Variants in UBR4 observed in about 807,000 individuals in gnomAD.
UBR4 encodes E3 ubiquitin-protein ligase UBR4.
A neutral mutation model predicts 575.6 loss-of-function variants in UBR4; 124 were observed. The observed-to-expected ratio is 0.22, with a 90% CI of 0.19 to 0.25. The LOEUF (loss-of-function observed/expected upper bound fraction) is 0.25, where lower values mean the gene tolerates loss of function less well. Ranked by LOEUF, UBR4 falls within the 10% of genes least tolerant of loss-of-function variation. The pLI is 1.00. For synonymous variants in UBR4, 2,455 were observed against 2,473.7 expected (o/e 0.99, Z 0.22); for missense variants, 4,818 against 6,478.8 (o/e 0.74, Z 8.80).
Position 19,155,557 on chromosome 1 carries a change from CAAT to C in UBR4, c.6181_6183del (p.Ile2061del). 1 of 1,614,148 alleles carries C rather than the reference CAAT, an allele frequency of 6.2e-7. No homozygotes were observed. Among genetic ancestry groups the C allele is most frequent in the Non-Finnish European group, 8.5e-7 (1 of 1,179,998 alleles). ...ATGTACCCAGCCGAAGACATTATAA[CAAT>C]GATGTTCTTTCCCTCCTCATTGAAA... On this transcript the variant is annotated inframe_deletion, in exon 43 of 106. Coordinates refer to ENST00000375254, the MANE Select transcript of UBR4 (RefSeq NM_020765.3).
In UBR4 at chr1:19,110,257, A is replaced by C. The variant is rs780386913; in HGVS notation, c.11978-34T>G. 1 of 1,614,170 alleles carries C rather than the reference A, an allele frequency of 6.2e-7. No individual in the cohort carries two copies. The highest frequency in any genetic ancestry group is 8.5e-7 in the Non-Finnish European group (1 of 1,180,016). On this transcript the variant is annotated intron_variant, in intron 80 of 105. Transcript: ENST00000375254. The surrounding 1 kb of genome is among the most constrained non-coding windows in gnomAD (Gnocchi z 4.5). ...GGTCAGGAAAGGCAGAGTCACAATC[A>C]GGAACACTACACATCTGCTCTGCAG...
intron 20 of UBR4, 72 bp from the exon 21 acceptor site, chr1:19,175,105 C>A: frequency 7.3e-7 from 1 of 1,368,984 alleles, no homozygotes. Context: ...CAATGTAAAA[C>A]TCAGAAAATA....
chr1:19,206,482 G>A (rs779725094), intron 1 of UBR4, among the ~76,000 whole-genome samples: 5 of 152,028 alleles, frequency 3.3e-5, no homozygotes, highest in African/African-American at 2.4e-5. Context: ...TTACAGGCGC[G>A]CGCCACCACG....
At chr1:19,119,733 C>G (rs752198961) in intron 69 of UBR4, 32 bp from the exon 70 acceptor site, 1 of 1,585,540 alleles carries the variant, frequency 6.3e-7, no homozygotes, top group Non-Finnish European at 8.6e-7. Context: ...TGTTACCAAG[C>G]AGCAGAAAAC....
chr1:19,160,257 C>T lies in UBR4; in HGVS notation c.5431G>A (p.Val1811Met), dbSNP rs1164690665. 20 of 1,607,932 alleles carry T rather than the reference C, an allele frequency of 1.2e-5. No individual in the cohort carries two copies. The highest frequency in any genetic ancestry group is 2.7e-5 in the African/African-American group (2 of 72,946). ...ATAAGGAAATTAAGCATGTCTAACA[C>T]GAGAGGAGCGAAGGAGAAATTGGCC... ...NQANFSFAPL[V>M]LDMLNFLMDA... The change falls in exon 39 of 106, where the codon GTG (valine) becomes ATG (methionine). Residue 1811 changes from valine to methionine, a missense_variant. This residue lies in a region of UBR4 where 159 missense variants were observed against 174.6 expected (regional missense o/e 0.91). Transcript: ENST00000375254.
intron 60 of UBR4, 122 bp from the exon 61 acceptor site, chr1:19,129,196 C>G: frequency 1.4e-6 from 1 of 718,716 alleles, no homozygotes; most frequent in South Asian, 1.9e-5. Context: ...TGCTTAGGAA[C>G]AATCTCCAGC....
Position 19,117,685 on chromosome 1 carries a change from T to C in UBR4, c.10629+138A>G. 1.1e-6 allele frequency: 1 copy of C among 919,726 alleles called. No individual in the cohort carries two copies. The highest frequency in any genetic ancestry group is 1.7e-6 in the Non-Finnish European group (1 of 588,638). 57.0% of individuals were successfully genotyped at this position (919,726 alleles called of 1,614,324 possible). ...CCAAGTTTCTATTTAAGGTAATAAA[T>C]GTGGCAGATAAAAATTCCTACTATC... is the stretch of plus-strand genomic sequence containing the variant. On this transcript the variant is annotated intron_variant, in intron 72 of 105. Coordinates refer to ENST00000375254, the MANE Select transcript of UBR4 (RefSeq NM_020765.3). The surrounding 1 kb of genome is among the most constrained non-coding windows in gnomAD (Gnocchi z 4.0).
intron 39 of UBR4, among the ~76,000 whole-genome samples, chr1:19,158,869 C>T (rs1301757881): frequency 6.6e-6 from 1 of 152,104 alleles, no homozygotes; most frequent in Non-Finnish European, 1.5e-5. Context: ...TGGCTGGGCA[C>T]AGTGGCTCAC....
At chr1:19,109,667 C>A (rs2079620197) in intron 81 of UBR4, among the ~76,000 whole-genome samples, 1 of 152,252 alleles carries the variant, frequency 6.6e-6, no homozygotes, top group African/African-American at 2.4e-5. Flanking sequence ...GATGGGGAAA[C>A]TAAGGAACAA....
rs2088643649 is a variant in UBR4 at position 19,167,182 on chromosome 1, G to A, written c.3949C>T (p.Leu1317Phe). ...PPQVIRTLLP[L>F]LLESSTESVA... ...CTCTCAGTGCTTGATTCCAAAAGAAGAGGTAGCAGTGTCCGAATTACCTGT... is the reference window on the plus strand; with the variant it reads ...CTCTCAGTGCTTGATTCCAAAAGAAAAGGTAGCAGTGTCCGAATTACCTGT... The change falls in exon 29 of 106, where the codon CTT (leucine) becomes TTT (phenylalanine). Residue 1317 changes from leucine (L) to phenylalanine (F), a missense_variant. Leu to Phe is a conservative substitution (Grantham distance 22). Around this residue, in one of 29 missense-constraint regions of UBR4, gnomAD observed 1,172 missense variants for 1,259.7 expected, o/e 0.93. Coordinates refer to ENST00000375254, the MANE Select transcript of UBR4 (RefSeq NM_020765.3). The A allele has an allele frequency of 6.2e-7, 1 of 1,614,214 alleles. No individual in the cohort carries two copies. The highest frequency in any genetic ancestry group is 8.5e-7 in the Non-Finnish European group (1 of 1,180,038).
chr1:19,149,764 G>A (rs769129855), intron 49 of UBR4: 183 of 1,301,776 alleles, frequency 1.4e-4, no homozygotes, highest in African/African-American at 2.4e-4. Flanking sequence ...CATACTAACC[G>A]GTCCAGCTTG....
intron 27 of UBR4, 32 bp downstream of exon 27, chr1:19,169,403 G>A (rs1292156409): frequency 1.3e-6 from 2 of 1,583,878 alleles, no homozygotes; most frequent in Non-Finnish European, 1.7e-6. Flanking sequence ...CTAGCACTCA[G>A]TATTTCTACC....
chr1:19,151,066 G>C (rs2085623012), intron 48 of UBR4: 2 of 506,692 alleles, frequency 3.9e-6, no homozygotes, highest in Non-Finnish European at 7.1e-6. Flanking sequence ...TCAGAGTATT[G>C]TATCCCCTAC....
At position 19,095,598 on chromosome 1, in the gene UBR4, G is replaced by A. The variant is rs1434481166; in HGVS notation, c.13573C>T (p.Leu4525=). Residue 4525 remains leucine, a synonymous_variant, in exon 93 of 106, where the codon CTG becomes TTG. Transcript: ENST00000375254. ...AAGGTGTTCATTTCCAGTTTGACCA[G>A]TTGCTGCCGGTTGACTTTCACCTTC... ...CVKVKVNRQQ[L]VKLEMNTLNV... The A allele has an allele frequency of 2.5e-6, 4 of 1,614,150 alleles. No individual in the cohort carries two copies. In the South Asian group the frequency reaches 3.3e-5, roughly 13 times the overall value.
chr1:19,096,639 C>T lies in UBR4; in HGVS notation c.13402G>A (p.Asp4468Asn), dbSNP rs763839713. 22 of 1,613,596 alleles carry T rather than the reference C, an allele frequency of 1.4e-5. No individual in the cohort carries two copies. The highest frequency in any genetic ancestry group is 1.9e-5 in the Non-Finnish European group (22 of 1,179,820). Residue 4468 changes from aspartate to asparagine, a missense_variant, in exon 92 of 106, where the codon GAT becomes AAT. This residue lies in a region of UBR4 where 165 missense variants were observed against 282.3 expected (regional missense o/e 0.58). Transcript: ENST00000375254. The part of the protein sequence containing the change: ...SLDSTTDEEE[D>N]EEEVYKMAGV... Reference sequence around the variant, plus strand: ...GCCATTTTATACACTTCTTCTTCATCTTCTTCTTCATCTAGGGGAGAAGGG... The same window carrying T: ...GCCATTTTATACACTTCTTCTTCATTTTCTTCTTCATCTAGGGGAGAAGGG...
In UBR4 at chr1:19,152,175, G is replaced by A; in HGVS notation, c.6996+138C>T. The A allele has an allele frequency of 7.7e-7, 1 of 1,292,944 alleles. No homozygotes were observed. Among genetic ancestry groups the A allele is most frequent in the South Asian group, 1.4e-5 (1 of 69,804 alleles). The allele number at this position is 1,292,944 out of a possible 1,614,324, so 80.1% of individuals were successfully genotyped here. Reference sequence around the variant, plus strand: ...GAGTAAGAATATCCATTTTTCTAAGGAACCATTTAACTAGAACCGAGGGTT... The same window carrying A: ...GAGTAAGAATATCCATTTTTCTAAGAAACCATTTAACTAGAACCGAGGGTT... On this transcript the variant is annotated intron_variant, in intron 47 of 105. Coordinates refer to ENST00000375254, the MANE Select transcript of UBR4 (RefSeq NM_020765.3). This position sits in a 1 kb window ranked among gnomAD's most constrained non-coding sequence, Gnocchi z 4.4.
chr1:19,209,845 C>T (rs1371019605), intron 1 of UBR4, among the ~76,000 whole-genome samples: 4 of 152,214 alleles, frequency 2.6e-5, no homozygotes, highest in African/African-American at 9.6e-5. Flanking sequence ...CGCAGGGAGG[C>T]CGCTAAAGTT....
rs752803245 is a variant in UBR4 at position 19,139,085 on chromosome 1, C to T, written c.8729G>A (p.Ser2910Asn). 5.0e-6 allele frequency: 8 copies of T among 1,611,594 alleles called. No individual in the cohort carries two copies. The highest frequency in any genetic ancestry group is 6.8e-6 in the Non-Finnish European group (8 of 1,178,700). Reference sequence around the variant, plus strand: ...GGACCCCCGCCATGGCACATTACCACTGTGCTCGCCAGCCACTGAGTCCAC... The same window carrying T: ...GGACCCCCGCCATGGCACATTACCATTGTGCTCGCCAGCCACTGAGTCCAC... Reference protein sequence around the residue: ...SAVDSVAGEHSVSGRSSAYGD... With the variant: ...SAVDSVAGEHNVSGRSSAYGD... The change falls in exon 59 of 106, where the codon AGT (serine) becomes AAT (asparagine). Residue 2910 changes from serine to asparagine, a missense_variant and splice_region_variant. Physicochemically the swap from Ser to Asn is conservative, Grantham distance 46. Around this residue, in one of 29 missense-constraint regions of UBR4, gnomAD observed 57 missense variants for 101.5 expected, o/e 0.56. Transcript: ENST00000375254. The surrounding 1 kb of genome is among the most constrained non-coding windows in gnomAD (Gnocchi z 4.2).
chr1:19,163,901 T>C lies in UBR4; in HGVS notation c.4701-74A>G, dbSNP rs962417293. Reference sequence around the variant, plus strand: ...AAGAAACCAACGAAATGAGGCATCTTCATTAACTTTGAATCAATCTGAGGA... The same window carrying C: ...AAGAAACCAACGAAATGAGGCATCTCCATTAACTTTGAATCAATCTGAGGA... On this transcript the variant is annotated intron_variant, in intron 33 of 105. Coordinates refer to ENST00000375254, the MANE Select transcript of UBR4 (RefSeq NM_020765.3). 2.0e-5 allele frequency: 29 copies of C among 1,485,740 alleles called. 1 individual carries two copies. In the South Asian group the frequency reaches 2.3e-4, roughly 12 times the overall value. 92.0% of individuals were successfully genotyped at this position (1,485,740 alleles called of 1,614,324 possible).
Sources: allele counts gnomAD v4.1 joint callset (sites outside exome capture counted in the v4.1 genomes callset), GRCh38; gene constraint gnomAD v4.1.1; regional missense constraint gnomAD v4.1.1; non-coding constraint Gnocchi (gnomAD v3.1); transcripts MANE v1.5; gene names NCBI Gene and HGNC (gene_info 2026-07-23, HGNC 2026-07-21).